Variants in COL11A2 observed in about 807,000 individuals in gnomAD.
COL11A2 encodes collagen alpha-2(XI) chain.
COL11A2 carries 116 observed loss-of-function variants against 273.4 expected under a neutral mutation model. The ratio of observed to expected loss-of-function variants is 0.42; its 90% confidence interval spans 0.36 to 0.49. The LOEUF (loss-of-function observed/expected upper bound fraction) is 0.49. COL11A2 is among the 20% of genes least tolerant of loss of function. COL11A2 has a pLI of 0.00. For missense variants in COL11A2, 1,866 were observed against 2,309.0 expected (o/e 0.81, Z 3.93); for synonymous variants, 782 against 864.2 (o/e 0.90, Z 1.67).
rs746195937 is a variant in COL11A2, at chr6:33,169,395, G to A, written c.3786C>T (p.Pro1262=). The A allele has an allele frequency of 6.2e-7, 1 of 1,612,590 alleles. No homozygotes were observed. Among genetic ancestry groups the A allele is most frequent in the Non-Finnish European group, 8.5e-7 (1 of 1,179,964 alleles). The part of the protein sequence containing the change: ...GPKGPTGDDG[P]KGNPGPVGFP... ...GCCCCAAACTCACAGGGTTCCCTTTGGGGCCATCATCGCCTGTGGGGCCTT... is the reference window on the plus strand; with the variant it reads ...GCCCCAAACTCACAGGGTTCCCTTTAGGGCCATCATCGCCTGTGGGGCCTT... Residue 1262 remains proline (P), a synonymous_variant, in exon 51 of 66, where the codon CCC becomes CCT. Coordinates refer to ENST00000341947, the MANE Select transcript of COL11A2 (RefSeq NM_080680.3). This position sits in a 1 kb window ranked among gnomAD's most constrained non-coding sequence, Gnocchi z 5.5.
chr6:33,166,836 G>A lies in COL11A2; in HGVS notation c.4231-9C>T. 1 of 1,613,114 alleles carries A rather than the reference G, an allele frequency of 6.2e-7. No homozygotes were observed. The highest frequency in any genetic ancestry group is 1.1e-5 in the South Asian group (1 of 91,038). Reference sequence around the variant, plus strand: ...ATGAGACCTGGGTGGCCCTAGAGAAGGGTGCAGGCAGTCAAGAGAATGCAA... The same window carrying A: ...ATGAGACCTGGGTGGCCCTAGAGAAAGGTGCAGGCAGTCAAGAGAATGCAA... On this transcript the variant is annotated splice_polypyrimidine_tract_variant and intron_variant, in intron 58 of 65. Coordinates refer to ENST00000341947, the MANE Select transcript of COL11A2 (RefSeq NM_080680.3). The surrounding 1 kb of genome is among the most constrained non-coding windows in gnomAD (Gnocchi z 4.8).
intron 5 of COL11A2, 96 bp from the exon 6 acceptor site, chr6:33,185,874 A>G: frequency 2.2e-6 from 1 of 461,802 alleles, no homozygotes; most frequent in South Asian, 1.6e-5. Context: ...ATGGTGTGGG[A>G]GTTGGGAAAC....
intron 8 of COL11A2, among the ~76,000 whole-genome samples, chr6:33,183,667 G>C (rs1288510963): frequency 6.6e-6 from 1 of 152,196 alleles, no homozygotes; most frequent in Non-Finnish European, 1.5e-5. Context: ...GCCACAGCTG[G>C]AGAAGGCAGG....
Position 33,170,169 on chromosome 6 carries a change from A to G in COL11A2, c.3583-69T>C, listed in dbSNP as rs1583305638. ...TGCCATTTCAGGGGCAAAGTCCCAGATGAGCAGCCCAAGGTTACAGCAGTG... is the reference window on the plus strand; with the variant it reads ...TGCCATTTCAGGGGCAAAGTCCCAGGTGAGCAGCCCAAGGTTACAGCAGTG... On this transcript the variant is annotated intron_variant, in intron 48 of 65. Coordinates refer to ENST00000341947, the MANE Select transcript of COL11A2 (RefSeq NM_080680.3). The surrounding 1 kb of genome is among the most constrained non-coding windows in gnomAD (Gnocchi z 4.3). 10 of 1,605,386 alleles carry G rather than the reference A, an allele frequency of 6.2e-6. No homozygotes were observed. In the East Asian group the frequency reaches 2.2e-4, roughly 36 times the overall value.
chr6:33,168,926 G>GC, intron 52 of COL11A2, 29 bp downstream of exon 52: 2 of 1,301,178 alleles, frequency 1.5e-6, no homozygotes, highest in Non-Finnish European at 2.1e-6. Context: ...CACCCTTTTT[G>GC]CCCCTTCCCT....
Position 33,170,282 on chromosome 6 carries a change from AC to A in COL11A2, c.3582+43del, listed in dbSNP as rs1769839718. 1 of 1,605,828 alleles carries A rather than the reference AC, an allele frequency of 6.2e-7. No homozygotes were observed. Among genetic ancestry groups the A allele is most frequent in the African/African-American group, 1.3e-5 (1 of 74,794 alleles). On this transcript the variant is annotated intron_variant, in intron 48 of 65. Transcript: ENST00000341947. This position sits in a 1 kb window ranked among gnomAD's most constrained non-coding sequence, Gnocchi z 4.3. ...ATGGTCTGGGAAAGGGAGGCAGAAG[AC>A]CAGACACATTGGTCTCAAGGGACAG...
chr6:33,173,042 T>A lies in COL11A2; in HGVS notation c.2790+18A>T. The stretch of plus-strand genomic sequence containing the variant: ...ATGCTAGGGTCAGGGGTCCATTCTC[T>A]CCTAGGGACAAACCTACCTGAGGTC... On this transcript the variant is annotated intron_variant, in intron 38 of 65. Coordinates refer to ENST00000341947, the MANE Select transcript of COL11A2 (RefSeq NM_080680.3). This position sits in a 1 kb window ranked among gnomAD's most constrained non-coding sequence, Gnocchi z 6.3. The A allele has an allele frequency of 1.2e-6, 2 of 1,611,820 alleles. No individual in the cohort carries two copies. Among genetic ancestry groups the A allele is most frequent in the Non-Finnish European group, 8.5e-7 (1 of 1,179,328 alleles).
Position 33,177,747 on chromosome 6 carries a change from G to T in COL11A2, c.1873-41C>A. 1 of 1,611,400 alleles carries T rather than the reference G, an allele frequency of 6.2e-7. No individual in the cohort carries two copies. The highest frequency in any genetic ancestry group is 2.2e-5 in the East Asian group (1 of 44,840). On this transcript the variant is annotated intron_variant, in intron 21 of 65. Coordinates refer to ENST00000341947, the MANE Select transcript of COL11A2 (RefSeq NM_080680.3). This position sits in a 1 kb window ranked among gnomAD's most constrained non-coding sequence, Gnocchi z 5.9. ...GGTGTGAGCAGCCTGAAGGTGGCCC[G>T]GAGGGACCTGTGGTTTTCAGAGGCC...
Position 33,171,283 on chromosome 6 carries a change from G to T in COL11A2, c.3300C>A (p.Asn1100Lys), listed in dbSNP as rs894604176. The change falls in exon 44 of 66, where the codon AAC becomes AAA. Residue 1100 changes from asparagine (N) to lysine (K), a missense_variant. Transcript: ENST00000341947. ...CATGGACACTTACATGTTCACCCTT[G>T]TTCCCTTTGGTGCCCTTCTGTCCGG... is the stretch of plus-strand genomic sequence containing the variant. ...GDPGQKGTKG[N>K]KGEHGPPGPP... 1.9e-6 allele frequency: 3 copies of T among 1,614,068 alleles called. No individual in the cohort carries two copies. Among genetic ancestry groups the T allele is most frequent in the Admixed American group, 3.3e-5 (2 of 60,008 alleles).
At position 33,173,218 on chromosome 6, in the gene COL11A2, C is replaced by T; in HGVS notation, c.2737-105G>A. ...GCAGGATCACACCAAGCCCTGGGCC[C>T]TGGGTCTGAGCAGCACCAGGGCAGG... On this transcript the variant is annotated intron_variant, in intron 37 of 65. Transcript: ENST00000341947. This position sits in a 1 kb window ranked among gnomAD's most constrained non-coding sequence, Gnocchi z 6.3. 1 of 1,537,258 alleles carries T rather than the reference C, an allele frequency of 6.5e-7. No homozygotes were observed.
rs1406388787 is a variant in COL11A2 at position 33,188,392 on chromosome 6, A to T, written c.576T>A (p.Gly192=). The T allele has an allele frequency of 5.0e-6, 8 of 1,613,058 alleles. No homozygotes were observed. Among genetic ancestry groups the T allele is most frequent in the Non-Finnish European group, 6.8e-6 (8 of 1,180,040 alleles). The change falls in exon 4 of 66, where the codon GGT becomes GGA. Residue 192 remains glycine, a synonymous_variant. Transcript: ENST00000341947. The part of the protein sequence containing the change: ...VLDTHGVIIF[G]ARILDEEVFE... The stretch of plus-strand genomic sequence containing the variant: ...AGACTTCTTCATCCAGAATACGGGC[A>T]CCAAAGATGATCACTCCATGGGTGT...
intron 38 of COL11A2, 120 bp downstream of exon 38, chr6:33,172,940 G>A (rs2150553580): frequency 1.8e-6 from 2 of 1,105,802 alleles, no homozygotes; most frequent in East Asian, 5.1e-5. Flanking sequence ...CCCCACCATT[G>A]ACCCCAGCCC....
chr6:33,182,983 A>G (rs1771916712), intron 8 of COL11A2, among the ~76,000 whole-genome samples: 1 of 152,138 alleles, frequency 6.6e-6, no homozygotes, highest in African/African-American at 2.4e-5. Context: ...CTGAAATCCC[A>G]TATCAACCCC....
At position 33,177,063 on chromosome 6, in the gene COL11A2, G is replaced by A; in HGVS notation, c.2017-18C>T. 1 of 1,612,538 alleles carries A rather than the reference G, an allele frequency of 6.2e-7. No homozygotes were observed. The highest frequency in any genetic ancestry group is 1.7e-5 in the Admixed American group (1 of 59,964). ...TGAGGACCCTGCAGGAAGACAAAGAGGCTCAGGGTCACTAGAGGGGTCATG... is the reference window on the plus strand; with the variant it reads ...TGAGGACCCTGCAGGAAGACAAAGAAGCTCAGGGTCACTAGAGGGGTCATG... On this transcript the variant is annotated intron_variant, in intron 24 of 65. Coordinates refer to ENST00000341947, the MANE Select transcript of COL11A2 (RefSeq NM_080680.3). The surrounding 1 kb of genome is among the most constrained non-coding windows in gnomAD (Gnocchi z 5.9).
Position 33,164,530 on chromosome 6 carries a change from G to T in COL11A2, c.4864-57C>A. On this transcript the variant is annotated intron_variant, in intron 64 of 65. Coordinates refer to ENST00000341947, the MANE Select transcript of COL11A2 (RefSeq NM_080680.3). This position sits in a 1 kb window ranked among gnomAD's most constrained non-coding sequence, Gnocchi z 4.7. ...GGGAGAGAGAGGGCTGGCCTCAGAG[G>T]GAGACAGAGACGGGCCTCAGGAGCA... 2.8e-6 allele frequency: 4 copies of T among 1,411,562 alleles called. No homozygotes were observed. The highest frequency in any genetic ancestry group is 3.8e-6 in the Non-Finnish European group (4 of 1,049,018). The allele number at this position is 1,411,562 out of a possible 1,614,324, so 87.4% of individuals were successfully genotyped here.
Position 33,166,913 on chromosome 6 carries a change from C to A in COL11A2, c.4231-86G>T. On this transcript the variant is annotated intron_variant, in intron 58 of 65. Coordinates refer to ENST00000341947, the MANE Select transcript of COL11A2 (RefSeq NM_080680.3). This position sits in a 1 kb window ranked among gnomAD's most constrained non-coding sequence, Gnocchi z 4.8. Reference sequence around the variant, plus strand: ...GGGCCAAGAGGACATGGAGAGGGAGCCGGGCACAGGGTCCGTGAGTGGCCC... The same window carrying A: ...GGGCCAAGAGGACATGGAGAGGGAGACGGGCACAGGGTCCGTGAGTGGCCC... The A allele has an allele frequency of 6.5e-7, 1 of 1,528,042 alleles. No individual in the cohort carries two copies. Among genetic ancestry groups the A allele is most frequent in the Non-Finnish European group, 8.9e-7 (1 of 1,117,544 alleles). 94.7% of individuals were successfully genotyped at this position (1,528,042 alleles called of 1,614,324 possible).
rs1431071655 is a variant in COL11A2 at position 33,188,543 on chromosome 6, G to C, written c.444-19C>G. 6.2e-7 allele frequency: 1 copy of C among 1,612,918 alleles called. No individual in the cohort carries two copies. ...GTGCCACCTGGAAATGGTGGAAGAG[G>C]TTCAAGTGAACTCTTGGCTGACTGA... is the stretch of plus-strand genomic sequence containing the variant. On this transcript the variant is annotated intron_variant, in intron 3 of 65. Coordinates refer to ENST00000341947, the MANE Select transcript of COL11A2 (RefSeq NM_080680.3).
Position 33,170,494 on chromosome 6 carries a change from G to T in COL11A2, c.3528+63C>A. On this transcript the variant is annotated intron_variant, in intron 47 of 65. Coordinates refer to ENST00000341947, the MANE Select transcript of COL11A2 (RefSeq NM_080680.3). This position sits in a 1 kb window ranked among gnomAD's most constrained non-coding sequence, Gnocchi z 4.3. Reference sequence around the variant, plus strand: ...GGGAGTTGGCAGTGGGGTGTGGGGTGGGGGCTGGCCAGGGAGGGGGGTGAC... The same window carrying T: ...GGGAGTTGGCAGTGGGGTGTGGGGTTGGGGCTGGCCAGGGAGGGGGGTGAC... 6.3e-7 allele frequency: 1 copy of T among 1,588,408 alleles called. No homozygotes were observed. The highest frequency in any genetic ancestry group is 8.6e-7 in the Non-Finnish European group (1 of 1,161,182).
chr6:33,173,010 C>A lies in COL11A2; in HGVS notation c.2790+50G>T, dbSNP rs1263358511. On this transcript the variant is annotated intron_variant, in intron 38 of 65. Transcript: ENST00000341947. The surrounding 1 kb of genome is among the most constrained non-coding windows in gnomAD (Gnocchi z 6.3). ...GTGTGACCGAGAGAAGAGGGGCAGA[C>A]AGACTAATGCTAGGGTCAGGGGTCC... 1 of 1,585,454 alleles carries A rather than the reference C, an allele frequency of 6.3e-7. No homozygotes were observed.
Sources: allele counts gnomAD v4.1 joint callset (sites outside exome capture counted in the v4.1 genomes callset), GRCh38; gene constraint gnomAD v4.1.1; non-coding constraint Gnocchi (gnomAD v3.1); transcripts MANE v1.5; gene names NCBI Gene and HGNC (gene_info 2026-07-23, HGNC 2026-07-21).